Variants in PEBP4 observed in about 807,000 individuals in gnomAD.
The protein encoded by PEBP4 is phosphatidylethanolamine-binding protein 4.
A neutral mutation model predicts 23.9 loss-of-function variants in PEBP4; 22 were observed. The observed-to-expected ratio is 0.92, with a 90% confidence interval of 0.66 to 1.31. The LOEUF (loss-of-function observed/expected upper bound fraction) is 1.31, where lower values mean the gene tolerates loss of function less well. Ranked by LOEUF, PEBP4 falls within the 40% of genes most tolerant of loss-of-function variation. PEBP4 has a pLI of 0.00. For missense variants in PEBP4, 324 were observed against 281.7 expected, an observed-to-expected ratio of 1.15 and a Z score of -1.07; for synonymous variants, 112 against 99.3, an observed-to-expected ratio of 1.13 and a Z score of -0.76.
intron 4 of PEBP4, chr8:22,815,006 C>A (rs141354480): frequency 6.6e-6 from 1 of 151,964 alleles, no homozygotes; most frequent in African/African-American, 2.4e-5. Context: ...CCACATGGTA[C>A]GGCAGGAAAG....
chr8:22,761,235 GGTGTGTGTGTGTGTGTTT>G (rs1563207862), intron 4 of PEBP4, among the ~76,000 whole-genome samples: 1 of 151,482 alleles, frequency 6.6e-6, no homozygotes, highest in East Asian at 1.9e-4. Flanking sequence ...TGTGGGGTGG[GGTGTGTGTGTGTGTGTTT>G]GTGTGTGTGT....
chr8:22,816,289 GC>G (rs1806739068), intron 4 of PEBP4, among the ~76,000 whole-genome samples: 1 of 152,214 alleles, frequency 6.6e-6, no homozygotes, highest in South Asian at 2.1e-4. Context: ...CCTTGAGGAA[GC>G]CCCTTCCAGG....
chr8:22,928,647 C>T (rs1809404209), upstream of PEBP4, among the ~76,000 whole-genome samples: 1 of 152,002 alleles, frequency 6.6e-6, no homozygotes, highest in Non-Finnish European at 1.5e-5. Flanking sequence ...AACAGGCTTT[C>T]CAATAGCTCT....
chr8:22,815,577 A>G (rs1806722858), intron 4 of PEBP4, among the ~76,000 whole-genome samples: 2 of 152,226 alleles, frequency 1.3e-5, no homozygotes, highest in African/African-American at 4.8e-5. Context: ...CCAAGTGGAT[A>G]TCGCTGCCGC....
chr8:22,797,202 G>C (rs1233485108), intron 4 of PEBP4, among the ~76,000 whole-genome samples: 1 of 147,802 alleles, frequency 6.8e-6, no homozygotes, highest in Non-Finnish European at 1.5e-5. Flanking sequence ...GCGGTGAGCT[G>C]AGATTGCGCC....
chr8:22,793,140 T>C (rs1407942516), intron 4 of PEBP4, among the ~76,000 whole-genome samples: 3 of 152,238 alleles, frequency 2.0e-5, no homozygotes, highest in Non-Finnish European at 2.9e-5. Context: ...GTTTCTTTTC[T>C]CCATGCAATG....
chr8:22,850,512 A>G lies in PEBP4; in HGVS notation c.259-32777T>C, dbSNP rs377017774. Among the ~76,000 whole-genome samples the G allele has an allele frequency of 1.8e-4, 28 of 152,264 alleles. No homozygotes were observed. The South Asian group carries it at 5.8e-3, about 32-fold the overall frequency. On this transcript the variant is annotated intron_variant, in intron 3 of 6. Coordinates refer to ENST00000256404, the MANE Select transcript of PEBP4 (RefSeq NM_144962.3). ...AGCTGTGATAGGGCTGGGCAGCGCCACTAGGAGGGGTTGTTCTTGGTCTGA... is the reference window on the plus strand; with the variant it reads ...AGCTGTGATAGGGCTGGGCAGCGCCGCTAGGAGGGGTTGTTCTTGGTCTGA...
In PEBP4 at chr8:22,743,918, G is replaced by A. The variant is rs554799876; in HGVS notation, c.358-16698C>T. ...GTAACACCTGTGTTTTGCTTGTGAG[G>A]TCTCCCTGCTCACTCGGGGACCAGC... On this transcript the variant is annotated intron_variant, in intron 4 of 6. Transcript: ENST00000256404. Among the ~76,000 whole-genome samples the A allele has an allele frequency of 2.0e-5, 3 of 152,292 alleles. No individual in the cohort carries two copies. The East Asian group carries it at 5.8e-4, about 29-fold the overall frequency.
At chr8:22,795,948 G>A (rs780798001) in intron 4 of PEBP4, among the ~76,000 whole-genome samples, 12 of 152,270 alleles carry the variant, frequency 7.9e-5, no homozygotes, top group African/African-American at 2.2e-4. Flanking sequence ...TTTGTATGCC[G>A]AAATGTGAGA....
chr8:22,892,991 C>T lies in PEBP4; in HGVS notation c.258+27193G>A, dbSNP rs544609324. 4.0e-4 allele frequency among the ~76,000 whole-genome samples: 61 copies of T among 152,218 alleles called. 1 individual carries two copies. The highest frequency in any genetic ancestry group is 6.5e-4 in the Admixed American group (10 of 15,298). ...GATTCACAAGGCAGAGGCAGCTGTGCGGGGAGAGAACTGTGGAAATTGCAG... is the reference window on the plus strand; with the variant it reads ...GATTCACAAGGCAGAGGCAGCTGTGTGGGGAGAGAACTGTGGAAATTGCAG... On this transcript the variant is annotated intron_variant, in intron 3 of 6. Transcript: ENST00000256404.
chr8:22,721,939 A>T (rs571175708), intron 6 of PEBP4, among the ~76,000 whole-genome samples: 1 of 152,044 alleles, frequency 6.6e-6, no homozygotes, highest in African/African-American at 2.4e-5. Context: ...TGCTTTTGCA[A>T]TCGCCCCTGG....
chr8:22,812,203 C>A (rs929805017), intron 4 of PEBP4, among the ~76,000 whole-genome samples: 1 of 152,190 alleles, frequency 6.6e-6, no homozygotes, highest in African/African-American at 2.4e-5. Flanking sequence ...GAACCGATCA[C>A]TCAAGCACAG....
At chr8:22,755,698 T>C (rs953486672) in intron 4 of PEBP4, 6 of 152,206 alleles carry the variant, frequency 3.9e-5, no homozygotes, top group African/African-American at 1.4e-4. Context: ...TTACTGATAA[T>C]GTTAGACATT....
At chr8:22,719,870 C>G (rs1401227353) in intron 6 of PEBP4, among the ~76,000 whole-genome samples, 1 of 152,124 alleles carries the variant, frequency 6.6e-6, no homozygotes, top group Non-Finnish European at 1.5e-5. Context: ...GGGAGGACGT[C>G]GATCAATGCA....
intron 4 of PEBP4, among the ~76,000 whole-genome samples, chr8:22,817,270 G>T (rs964957700): frequency 1.6e-4 from 25 of 152,334 alleles, no homozygotes; most frequent in African/African-American, 6.0e-4. Context: ...ATCCAGTGGT[G>T]TGCTGAAGCC....
intron 3 of PEBP4, among the ~76,000 whole-genome samples, chr8:22,875,216 A>G (rs78968140): frequency 0.011 from 1,656 of 152,006 alleles, 21 homozygotes; most frequent in Non-Finnish European, 0.018. Context: ...CTGCTCACAA[A>G]AAGGGAACTC....
intron 4 of PEBP4, among the ~76,000 whole-genome samples, chr8:22,728,585 TTCCTTCCTTCC>T (rs1249787480): frequency 1.1e-4 from 15 of 137,134 alleles, no homozygotes; most frequent in Non-Finnish European, 3.2e-5. Context: ...CCTTCCTTCC[TTCCTTCCTTCC>T]TTCCTTCCTT....
chr8:22,879,106 A>G (rs1808189005), intron 3 of PEBP4, among the ~76,000 whole-genome samples: 1 of 152,220 alleles, frequency 6.6e-6, no homozygotes, highest in South Asian at 2.1e-4. Flanking sequence ...ACTCACAGTG[A>G]ATAGATCTCA....
At chr8:22,816,403 C>A (rs768783987) in intron 4 of PEBP4, among the ~76,000 whole-genome samples, 1 of 152,238 alleles carries the variant, frequency 6.6e-6, no homozygotes, top group African/African-American at 2.4e-5. Flanking sequence ...ACTACCCTCT[C>A]ACCCCCCTAC....
Sources: gnomAD v4.1 joint callset for allele counts (sites outside exome capture counted in the v4.1 genomes callset) on GRCh38, gnomAD v4.1.1 for gene constraint, MANE v1.5 for transcripts, NCBI Gene and HGNC (gene_info 2026-07-23, HGNC 2026-07-21) for gene names.